UNC5C: variants seen among roughly 807,000 people sequenced by gnomAD.
UNC5C encodes the protein unc-5 netrin receptor C, also known as netrin receptor UNC5C.
UNC5C carries 47 observed loss-of-function variants against 99.8 expected under a neutral mutation model. The observed-to-expected ratio is 0.47, with a 90% CI of 0.37 to 0.60. UNC5C has a LOEUF of 0.60. Ranked by LOEUF, UNC5C falls within the 20% of genes least tolerant of loss-of-function variation. The pLI is 0.00. For synonymous variants in UNC5C, 487 were observed against 452.2 expected (o/e 1.08, Z -0.98); for missense variants, 1,062 against 1,165.9 (o/e 0.91, Z 1.30).
At chr4:95,528,411 C>T (rs887610938) in intron 1 of UNC5C, among the ~76,000 whole-genome samples, 14 of 152,268 alleles carry the variant, frequency 9.2e-5, no homozygotes, top group African/African-American at 2.9e-4. Flanking sequence ...AAATATCTAA[C>T]GTTGCCACCA....
At chr4:95,493,093 C>T (rs770690321) in intron 1 of UNC5C, among the ~76,000 whole-genome samples, 14 of 151,234 alleles carry the variant, frequency 9.3e-5, no homozygotes, top group Admixed American at 2.0e-4. Flanking sequence ...GCAGCTTTAA[C>T]GGTAACCAAC....
intron 1 of UNC5C, among the ~76,000 whole-genome samples, chr4:95,363,543 G>A (rs906722126): frequency 3.3e-5 from 5 of 152,078 alleles, no homozygotes; most frequent in African/African-American, 9.7e-5. Context: ...CAACAGCTGT[G>A]TGTTTTGATA....
intron 2 of UNC5C, among the ~76,000 whole-genome samples, chr4:95,322,629 T>G (rs1742731732): frequency 6.6e-6 from 1 of 152,068 alleles, no homozygotes; most frequent in South Asian, 2.1e-4. Context: ...AGACTGTGAT[T>G]TTTGCACTTC....
At chr4:95,290,975 G>C (rs920139677) in intron 3 of UNC5C, among the ~76,000 whole-genome samples, 8 of 152,242 alleles carry the variant, frequency 5.3e-5, no homozygotes, top group Middle Eastern at 3.4e-3. Flanking sequence ...ATTTAAATGA[G>C]AGAAATTCCA....
At chr4:95,232,686 T>TA (rs1468051213) in intron 7 of UNC5C, among the ~76,000 whole-genome samples, 1 of 152,146 alleles carries the variant, frequency 6.6e-6, no homozygotes, top group Admixed American at 6.6e-5. Context: ...TAGGCTTCTG[T>TA]AGGCTAAAGT....
At position 95,391,757 on chromosome 4, in the gene UNC5C, T is replaced by TAAAAAAA. The variant is rs61515733; in HGVS notation, c.125-56133_125-56127dup. 2.4e-5 allele frequency among the ~76,000 whole-genome samples: 3 copies of TAAAAAAA among 125,912 alleles called. 1 individual carries two copies. The highest frequency in any genetic ancestry group is 5.8e-5 in the African/African-American group (2 of 34,270). 82.6% of individuals were successfully genotyped at this position (125,912 alleles called of 152,430 possible). On this transcript the variant is annotated intron_variant, in intron 1 of 15. Coordinates refer to ENST00000453304, the MANE Select transcript of UNC5C (RefSeq NM_003728.4). Reference sequence around the variant, plus strand: ...TAAAGTGAGCTTTGTCCTTTCATGGTAAAAAAAAAAAAAAAAAAAAGGCAC... The same window carrying TAAAAAAA: ...TAAAGTGAGCTTTGTCCTTTCATGGTAAAAAAAAAAAAAAAAAAAAAAAAAAAGGCAC...
chr4:95,324,105 T>C (rs1412723390), intron 2 of UNC5C, among the ~76,000 whole-genome samples: 1 of 152,122 alleles, frequency 6.6e-6, no homozygotes, highest in Non-Finnish European at 1.5e-5. Flanking sequence ...TTTCACATGC[T>C]AATACAGAGG....
intron 2 of UNC5C, among the ~76,000 whole-genome samples, chr4:95,305,408 AC>A (rs1249981473): frequency 2.2e-4 from 33 of 152,212 alleles, no homozygotes; most frequent in African/African-American, 7.7e-4. Context: ...TTCTCTTTGA[AC>A]CTATAATTTC....
In UNC5C at chr4:95,398,690, T is replaced by C. The variant is rs577501505; in HGVS notation, c.125-63059A>G. On this transcript the variant is annotated intron_variant, in intron 1 of 15. Transcript: ENST00000453304. ...TGTCTAGAAGACAATAGGGCATTGA[T>C]TCTCAACCACAAGTAAATAAAGCAT... Among the ~76,000 whole-genome samples, 9 of 152,312 alleles carry C rather than the reference T, an allele frequency of 5.9e-5. No individual in the cohort carries two copies. In the East Asian group the frequency reaches 1.7e-3, roughly 29 times the overall value.
At chr4:95,514,775 C>T (rs936184274) in intron 1 of UNC5C, among the ~76,000 whole-genome samples, 2 of 151,806 alleles carry the variant, frequency 1.3e-5, no homozygotes, top group Non-Finnish European at 1.5e-5. Context: ...TGGGTTCAAG[C>T]CATTCTCCTG....
chr4:95,221,534 T>TTCTTTATTGGGAATTGCC (rs1400591983), intron 7 of UNC5C, among the ~76,000 whole-genome samples: 4 of 152,208 alleles, frequency 2.6e-5, no homozygotes, highest in Non-Finnish European at 5.9e-5. Context: ...TGTAAATGAA[T>TTCTTTATTGGGAATTGCC]TCTTTATTGG....
intron 3 of UNC5C, among the ~76,000 whole-genome samples, chr4:95,295,475 A>AT (rs1373005076): frequency 1.3e-5 from 2 of 152,140 alleles, no homozygotes; most frequent in Non-Finnish European, 2.9e-5. Context: ...TCACAAACCT[A>AT]TTTTTACATT....
At chr4:95,219,480 C>A (rs1327753123) in intron 8 of UNC5C, among the ~76,000 whole-genome samples, 167 bp from the exon 9 acceptor site, 1 of 152,154 alleles carries the variant, frequency 6.6e-6, no homozygotes, top group Non-Finnish European at 1.5e-5. Context: ...TAACTACCAG[C>A]TCTTTTATTA....
chr4:95,236,226 C>A (rs1739105257), intron 7 of UNC5C, among the ~76,000 whole-genome samples: 1 of 152,086 alleles, frequency 6.6e-6, no homozygotes, highest in Admixed American at 6.6e-5. Flanking sequence ...AAATGTGGCA[C>A]ATATACACCA....
At position 95,167,198 on chromosome 4, in the gene UNC5C, T is replaced by TAA. The variant is rs1198875518; in HGVS notation, c.*2034_*2035dup. ...TTCAGCAACTTGTGTGCCTCCAGCCTAAAAGTAAACCACAGTCATGTTCTA... is the reference window on the plus strand; with the variant it reads ...TTCAGCAACTTGTGTGCCTCCAGCCTAAAAAAGTAAACCACAGTCATGTTCTA... On this transcript the variant is annotated 3_prime_UTR_variant, in exon 16 of 16. Coordinates refer to ENST00000453304, the MANE Select transcript of UNC5C (RefSeq NM_003728.4). 6.6e-6 allele frequency: 1 copy of TAA among 152,190 alleles called. No homozygotes were observed. Among genetic ancestry groups the TAA allele is most frequent in the African/African-American group, 2.4e-5 (1 of 41,434 alleles). 9.4% of individuals were successfully genotyped at this position (152,190 alleles called of 1,614,324 possible). A position where few individuals can be genotyped will look rare whatever the true frequency, so the allele number is the denominator to read the frequency against.
At chr4:95,464,958 C>G (rs1049564610) in intron 1 of UNC5C, among the ~76,000 whole-genome samples, 1 of 152,058 alleles carries the variant, frequency 6.6e-6, no homozygotes, top group African/African-American at 2.4e-5. Context: ...TAAAATACGA[C>G]AAGTGGGTGT....
chr4:95,393,018 T>C (rs1022322610), intron 1 of UNC5C, among the ~76,000 whole-genome samples: 2 of 152,112 alleles, frequency 1.3e-5, no homozygotes, highest in South Asian at 2.1e-4. Flanking sequence ...GTATTAGATG[T>C]CTGCAAATGC....
rs1381428569 is a variant in UNC5C, at chr4:95,219,243, A to G, written c.1371T>C (p.His457=). 14 of 1,614,196 alleles carry G rather than the reference A, an allele frequency of 8.7e-6. No homozygotes were observed. Among genetic ancestry groups the G allele is most frequent in the Non-Finnish European group, 1.2e-5 (14 of 1,180,024 alleles). ...AMYRGPVYAL[H]DVSDKIPMTN... is the part of the protein sequence containing the mutation. ...TCATTGGGATTTTGTCTGAGACGTC[A>G]TGCAGGGCATAGACAGGTCCTCTGT... Residue 457 remains histidine, a synonymous_variant, in exon 9 of 16, where the codon CAT becomes CAC. Transcript: ENST00000453304.
chr4:95,464,794 C>T (rs1380126156), intron 1 of UNC5C, among the ~76,000 whole-genome samples: 23 of 152,096 alleles, frequency 1.5e-4, no homozygotes. Context: ...GGTGTATTCC[C>T]ACCTATACCT....
Sources: allele counts gnomAD v4.1 joint callset (sites outside exome capture counted in the v4.1 genomes callset), GRCh38; gene constraint gnomAD v4.1.1; transcripts MANE v1.5; gene names NCBI Gene and HGNC (gene_info 2026-07-23, HGNC 2026-07-21).